The following DPP6 variants were observed in gnomAD, a reference collection of about 807,000 sequenced individuals.
The protein encoded by DPP6 is dipeptidyl peptidase like 6.
Under a neutral mutation model 122.6 loss-of-function variants are expected in DPP6, and 69 were observed. That is an observed-to-expected ratio of 0.56 (90% CI 0.46 to 0.69). The LOEUF is 0.69. Among genes scored for constraint, DPP6 ranks in the 30% least tolerant of loss-of-function variants. The pLI is 0.00. For missense variants in DPP6, 928 were observed against 1,116.9 expected (o/e 0.83, Z 2.41); for synonymous variants, 418 against 433.1 (o/e 0.97, Z 0.43).
At chr7:154,457,086 T>C (rs1820885754) in intron 2 of DPP6, among the ~76,000 whole-genome samples, 1 of 68,768 alleles carries the variant, frequency 1.5e-5, no homozygotes, top group Admixed American at 2.0e-4. Context: ...TATTTTGAAA[T>C]ACGTCCCATC....
the DPP6 span, among the ~76,000 whole-genome samples, chr7:153,865,434 G>C: frequency 6.6e-6 from 1 of 152,004 alleles, no homozygotes; most frequent in African/African-American, 2.4e-5. Flanking sequence ...TGAATAAAAG[G>C]GGCTCTAGTT....
intron 17 of DPP6, among the ~76,000 whole-genome samples, chr7:154,862,446 G>A (rs1428855921): frequency 6.6e-6 from 1 of 152,242 alleles, no homozygotes; most frequent in Non-Finnish European, 1.5e-5. Context: ...TTTGCTGTTG[G>A]AACGTGTTAG....
At chr7:154,816,439 A>G (rs1195148965) in intron 16 of DPP6, among the ~76,000 whole-genome samples, 2 of 152,202 alleles carry the variant, frequency 1.3e-5, no homozygotes, top group African/African-American at 2.4e-5. Context: ...TATGGGGTTC[A>G]ATACTATCAT....
chr7:154,147,256 C>T (rs1796140177), intron 1 of DPP6, among the ~76,000 whole-genome samples: 1 of 152,160 alleles, frequency 6.6e-6, no homozygotes, highest in Non-Finnish European at 1.5e-5. Context: ...TCTCTGTGAC[C>T]TTCACTAGCT....
intron 1 of DPP6, among the ~76,000 whole-genome samples, chr7:154,388,122 C>T (rs189367251): frequency 3.9e-5 from 6 of 152,048 alleles, no homozygotes; most frequent in East Asian, 1.9e-4. Context: ...GGCAACATGA[C>T]GGAACCCCAT....
chr7:153,960,318 C>G lies in DPP6; in HGVS notation c.51+72584C>G, dbSNP rs187321235. On this transcript the variant is annotated intron_variant, in intron 1 of 25. Coordinates refer to the DPP6 transcript ENST00000404039. Reference sequence around the variant, plus strand: ...TCTTTAAAATTGGAGTCAATCCTCTCCAGTTGACTTCCTTGTGTACGCATA... The same window carrying G: ...TCTTTAAAATTGGAGTCAATCCTCTGCAGTTGACTTCCTTGTGTACGCATA... 4.7e-3 allele frequency among the ~76,000 whole-genome samples: 715 copies of G among 152,142 alleles called. 6 individuals carry two copies. Among genetic ancestry groups the G allele is most frequent in the Non-Finnish European group, 4.7e-3 (320 of 68,012 alleles).
the DPP6 span, among the ~76,000 whole-genome samples, chr7:153,753,350 C>T: frequency 6.6e-6 from 1 of 152,132 alleles, no homozygotes; most frequent in East Asian, 1.9e-4. Context: ...ATATATTACA[C>T]AATATACAGA....
chr7:154,431,471 CTTTT>C (rs1563659578), intron 1 of DPP6, among the ~76,000 whole-genome samples: 2 of 17,774 alleles, frequency 1.1e-4, no homozygotes, highest in Non-Finnish European at 1.9e-4. Context: ...CTTTTCTTTT[CTTTT>C]CTTTTCTTTT....
At chr7:154,091,378 A>G (rs2150550214) in intron 1 of DPP6, among the ~76,000 whole-genome samples, 1 of 152,310 alleles carries the variant, frequency 6.6e-6, no homozygotes, top group Admixed American at 6.5e-5. Flanking sequence ...TCTGTTGAGC[A>G]GACTTATAGC....
chr7:154,061,937 AG>A (rs1802011260), intron 1 of DPP6, among the ~76,000 whole-genome samples: 1 of 103,004 alleles, frequency 9.7e-6, no homozygotes, highest in Non-Finnish European at 2.0e-5. Flanking sequence ...CCATCGCAGG[AG>A]GGGGAGGCAA....
chr7:154,406,197 G>A (rs1563616722), intron 1 of DPP6, among the ~76,000 whole-genome samples: 1 of 152,136 alleles, frequency 6.6e-6, no homozygotes, highest in Non-Finnish European at 1.5e-5. Context: ...GAAACCAGAA[G>A]TTTGCCAGCC....
chr7:154,547,880 C>G (rs1024812323), intron 4 of DPP6, among the ~76,000 whole-genome samples: 10 of 152,056 alleles, frequency 6.6e-5, no homozygotes, highest in African/African-American at 9.7e-5. Flanking sequence ...TACTTTTATT[C>G]TAACTTTTAC....
the DPP6 span, among the ~76,000 whole-genome samples, chr7:153,837,115 A>T: frequency 2.0e-5 from 3 of 152,194 alleles, no homozygotes; most frequent in Non-Finnish European, 4.4e-5. Flanking sequence ...TTCTTTTTAG[A>T]TCATAATCAC....
chr7:154,330,699 G>A (rs370890553), intron 1 of DPP6, among the ~76,000 whole-genome samples: 17 of 152,198 alleles, frequency 1.1e-4, no homozygotes, highest in East Asian at 3.9e-4. Flanking sequence ...GTACTTCTGC[G>A]TGCACGTTGG....
intron 1 of DPP6, among the ~76,000 whole-genome samples, chr7:154,134,316 C>T (rs1353558794): frequency 3.9e-5 from 6 of 152,168 alleles, no homozygotes; most frequent in African/African-American, 1.4e-4. Context: ...TGATCTAGTG[C>T]TCATTCCCTC....
chr7:154,366,580 G>T (rs1812210713), intron 1 of DPP6, among the ~76,000 whole-genome samples: 1 of 152,312 alleles, frequency 6.6e-6, no homozygotes, highest in Non-Finnish European at 1.5e-5. Context: ...CAGGATTCCT[G>T]CTCTTAGATT....
chr7:154,439,192 C>T (rs1349247096), intron 1 of DPP6, among the ~76,000 whole-genome samples: 1 of 152,112 alleles, frequency 6.6e-6, no homozygotes, highest in Non-Finnish European at 1.5e-5. Flanking sequence ...TTGAGCGTGC[C>T]AAAAATCTAC....
At chr7:153,757,236 T>C in the DPP6 span, among the ~76,000 whole-genome samples, 1 of 152,264 alleles carries the variant, frequency 6.6e-6, no homozygotes, top group Non-Finnish European at 1.5e-5. Flanking sequence ...TCTTTCAGTG[T>C]CTGTATCTTC....
intron 1 of DPP6, among the ~76,000 whole-genome samples, chr7:154,046,078 G>A (rs563306816): frequency 3.0e-4 from 45 of 152,300 alleles, no homozygotes; most frequent in Non-Finnish European, 6.2e-4. Context: ...CTGTGATTCA[G>A]CTGGTCTACA....
Sources: allele counts gnomAD v4.1 joint callset (sites outside exome capture counted in the v4.1 genomes callset), GRCh38; gene constraint gnomAD v4.1.1; transcripts MANE v1.5; gene names NCBI Gene and HGNC (gene_info 2026-07-23, HGNC 2026-07-21).